Variants in ALDH5A1 observed in about 807,000 individuals in gnomAD.
ALDH5A1 encodes succinate-semialdehyde dehydrogenase, mitochondrial.
A neutral mutation model predicts 54.7 loss-of-function variants in ALDH5A1; 33 were observed. That is an observed-to-expected ratio of 0.60 (90% confidence interval 0.46 to 0.81). ALDH5A1 has a LOEUF of 0.81. Ranked by LOEUF, ALDH5A1 falls within the 30% of genes least tolerant of loss-of-function variation. The pLI, the probability that ALDH5A1 is intolerant of heterozygous loss-of-function variation, is 0.00. For missense variants in ALDH5A1, 657 were observed against 711.0 expected, an observed-to-expected ratio of 0.92 and a Z score of 0.86; for synonymous variants, 294 against 292.7, an observed-to-expected ratio of 1.00 and a Z score of -0.05.
At chr6:24,520,967 G>A (rs1759672991) in intron 6 of ALDH5A1, among the ~76,000 whole-genome samples, 1 of 152,094 alleles carries the variant, frequency 6.6e-6, no homozygotes, top group Admixed American at 6.5e-5. Flanking sequence ...CTACTGAACG[G>A]ATATAATCTC....
At chr6:24,532,255 A>G in intron 9 of ALDH5A1, 78 bp downstream of exon 9, 2 of 1,460,158 alleles carry the variant, frequency 1.4e-6, no homozygotes, top group Non-Finnish European at 1.9e-6. Flanking sequence ...TTTAAACATC[A>G]CCCTGGGTTT....
chr6:24,504,717 G>GA, intron 3 of ALDH5A1, 152 bp from the exon 4 acceptor site: 1 of 764,944 alleles, frequency 1.3e-6, no homozygotes, highest in South Asian at 1.5e-5. Flanking sequence ...TGGCGGGGGG[G>GA]TCAGGTGTTC....
In ALDH5A1 at chr6:24,495,357, G is replaced by A. The variant is rs1171725478; in HGVS notation, c.354+7G>A. 13 of 1,532,312 alleles carry A rather than the reference G, an allele frequency of 8.5e-6. No individual in the cohort carries two copies. In the Admixed American group the frequency reaches 2.4e-4, roughly 28 times the overall value. The allele number at this position is 1,532,312 out of a possible 1,614,324, so 94.9% of individuals were successfully genotyped here. ...GAGGGAGGTCTCCGCCAAGGTGAGA[G>A]AGCCCGGATGCAGGGGGCCAGAGCT... On this transcript the variant is annotated splice_region_variant and intron_variant, in intron 1 of 9. Transcript: ENST00000357578.
At chr6:24,530,572 A>G (rs1157854291) in intron 8 of ALDH5A1, among the ~76,000 whole-genome samples, 5 of 152,066 alleles carry the variant, frequency 3.3e-5, no homozygotes, top group African/African-American at 9.7e-5. Flanking sequence ...TGCTCCTCAT[A>G]CATTTGGAGG....
intron 8 of ALDH5A1, among the ~76,000 whole-genome samples, chr6:24,529,510 T>G (rs1282222758): frequency 6.6e-6 from 1 of 152,066 alleles, no homozygotes; most frequent in Non-Finnish European, 1.5e-5. Flanking sequence ...GAAATCTGAT[T>G]CTTGCTTCTT....
chr6:24,502,693 C>A, intron 2 of ALDH5A1, 87 bp downstream of exon 2: 1 of 939,326 alleles, frequency 1.1e-6, no homozygotes, highest in Non-Finnish European at 1.7e-6. Flanking sequence ...CTTCCCTTCA[C>A]TGCTGGCTGT....
intron 3 of ALDH5A1, 81 bp from the exon 4 acceptor site, chr6:24,504,788 A>G (rs1343348510): frequency 7.3e-7 from 1 of 1,377,310 alleles, no homozygotes; most frequent in South Asian, 1.2e-5. Context: ...AAATTTGTTC[A>G]CTGACTTCCC....
chr6:24,501,951 GTGTA>G (rs1404187328), intron 1 of ALDH5A1, among the ~76,000 whole-genome samples: 3 of 146,976 alleles, frequency 2.0e-5, no homozygotes, highest in South Asian at 4.6e-4. Flanking sequence ...ATATATATAT[GTGTA>G]TGTGTGTATA....
At chr6:24,532,448 C>T (rs1457228693) in intron 9 of ALDH5A1, among the ~76,000 whole-genome samples, 1 of 152,214 alleles carries the variant, frequency 6.6e-6, no homozygotes, top group Non-Finnish European at 1.5e-5. Context: ...TGGAGAACTG[C>T]ACACATCTCA....
rs1170009783 is a variant in ALDH5A1 at position 24,518,355 on chromosome 6, C to T, written c.871-2046C>T. 6.6e-6 allele frequency among the ~76,000 whole-genome samples: 1 copy of T among 152,064 alleles called. No homozygotes were observed. The highest frequency in any genetic ancestry group is 6.5e-5 in the Admixed American group (1 of 15,270). ...AGGAGTTTACACTATACCCAGTGGC[C>T]AGGGCAAGCCGCCTTCCTGGAGAAG... On this transcript the variant is annotated intron_variant, in intron 5 of 9. Transcript: ENST00000357578. The surrounding 1 kb of genome is among the most constrained non-coding windows in gnomAD (Gnocchi z 4.2).
At chr6:24,526,111 A>G (rs1217054304) in intron 7 of ALDH5A1, among the ~76,000 whole-genome samples, 2 of 152,170 alleles carry the variant, frequency 1.3e-5, no homozygotes, top group African/African-American at 4.8e-5. Context: ...AAAACAGCAA[A>G]GACCACTCAT....
intron 7 of ALDH5A1, among the ~76,000 whole-genome samples, chr6:24,526,580 T>C (rs1026706776): frequency 9.2e-5 from 14 of 151,750 alleles, no homozygotes; most frequent in African/African-American, 2.2e-4. Flanking sequence ...GGAGATCTTA[T>C]GGAGTTTAAA....
chr6:24,534,762 CCTGAGT>C lies in ALDH5A1; in HGVS notation c.*1051_*1056del, dbSNP rs1344242244. Reference sequence around the variant, plus strand: ...GTGCCCACTTGCCCACCGACCTGAGCCTGAGTAAGTGGCTGTCACCTGAGCCTGTTC... The same window carrying C: ...GTGCCCACTTGCCCACCGACCTGAGCAAGTGGCTGTCACCTGAGCCTGTTC... On this transcript the variant is annotated 3_prime_UTR_variant, in exon 10 of 10. Transcript: ENST00000357578. 1 of 152,314 alleles carries C rather than the reference CCTGAGT, an allele frequency of 6.6e-6. No homozygotes were observed. The highest frequency in any genetic ancestry group is 1.5e-5 in the Non-Finnish European group (1 of 68,134). 9.4% of individuals were successfully genotyped at this position (152,314 alleles called of 1,614,324 possible).
At chr6:24,507,481 C>G (rs1581810382) in intron 4 of ALDH5A1, among the ~76,000 whole-genome samples, 1 of 151,680 alleles carries the variant, frequency 6.6e-6, no homozygotes, top group African/African-American at 2.4e-5. Context: ...TTTTTTTCCC[C>G]CTTTATCTTT....
intron 5 of ALDH5A1, among the ~76,000 whole-genome samples, chr6:24,517,751 AG>A (rs1468988059): frequency 6.6e-6 from 1 of 152,242 alleles, no homozygotes; most frequent in Non-Finnish European, 1.5e-5. Flanking sequence ...GTATAGCTGA[AG>A]GGATAACTGA....
intron 1 of ALDH5A1, among the ~76,000 whole-genome samples, chr6:24,495,780 G>T (rs1168528181): frequency 6.6e-6 from 1 of 152,178 alleles, no homozygotes; most frequent in East Asian, 1.9e-4. Flanking sequence ...CTGCTTCAGC[G>T]GCCCTTGAGA....
intron 7 of ALDH5A1, among the ~76,000 whole-genome samples, chr6:24,527,762 C>T (rs1395652248): frequency 6.6e-6 from 1 of 152,142 alleles, no homozygotes; most frequent in Admixed American, 6.6e-5. Context: ...GACCATTCAA[C>T]AAATAGGAAG....
chr6:24,507,172 G>A lies in ALDH5A1; in HGVS notation c.726+2187G>A, dbSNP rs1759374406. On this transcript the variant is annotated intron_variant, in intron 4 of 9. Coordinates refer to ENST00000357578, the MANE Select transcript of ALDH5A1 (RefSeq NM_001080.3). The stretch of plus-strand genomic sequence containing the variant: ...GTTTATGCTTACCACCAGTGCTTAT[G>A]TTAATGTCTCTCTGGACATTTGGTG... 2.6e-5 allele frequency among the ~76,000 whole-genome samples: 4 copies of A among 152,172 alleles called. No individual in the cohort carries two copies. The South Asian group carries it at 6.2e-4, about 24-fold the overall frequency.
At chr6:24,495,382 T>G (rs1407448832) in intron 1 of ALDH5A1, 32 bp downstream of exon 1, 5 of 1,528,426 alleles carry the variant, frequency 3.3e-6, no homozygotes, top group African/African-American at 2.7e-5. Flanking sequence ...GGGCCAGAGC[T>G]GGCCGGGGAC....
Sources: allele counts gnomAD v4.1 joint callset (sites outside exome capture counted in the v4.1 genomes callset), GRCh38; gene constraint gnomAD v4.1.1; non-coding constraint Gnocchi (gnomAD v3.1); transcripts MANE v1.5; gene names NCBI Gene and HGNC (gene_info 2026-07-23, HGNC 2026-07-21).